The following KIAA0319L variants were observed in gnomAD, a reference collection of about 807,000 sequenced individuals.
KIAA0319L encodes KIAA0319 like, also known as dyslexia-associated protein KIAA0319-like protein.
Under a neutral mutation model 120.1 loss-of-function variants are expected in KIAA0319L, and 55 were observed. The observed-to-expected ratio is 0.46, with a 90% CI of 0.37 to 0.57. The LOEUF is 0.57. Ranked by LOEUF, KIAA0319L falls within the 20% of genes least tolerant of loss-of-function variation. The probability of loss-of-function intolerance (pLI) is 0.00; values close to 1 mark genes in which losing one functional copy is unlikely to be tolerated. For synonymous variants in KIAA0319L, 398 were observed against 471.9 expected (o/e 0.84, Z 2.03); for missense variants, 1,049 against 1,255.3 (o/e 0.84, Z 2.48).
intron 14 of KIAA0319L, 95 bp downstream of exon 14, chr1:35,450,263 G>T (rs1570639052): frequency 1.5e-6 from 2 of 1,321,162 alleles, no homozygotes; most frequent in Admixed American, 2.1e-5. Context: ...ATCTGGGTTT[G>T]ATATAAGGGA....
chr1:35,442,525 G>A (rs542579285), intron 18 of KIAA0319L, among the ~76,000 whole-genome samples, 189 bp from the exon 19 acceptor site: 2 of 152,286 alleles, frequency 1.3e-5, no homozygotes, highest in East Asian at 3.9e-4. Context: ...CTGCTTTCCA[G>A]TCCCTGCTCC....
rs745587966 is a variant in KIAA0319L at position 35,512,067 on chromosome 1, C to T, written c.143-4932G>A. Among the ~76,000 whole-genome samples, 15 of 152,022 alleles carry T rather than the reference C, an allele frequency of 9.9e-5. No individual in the cohort carries two copies. The East Asian group carries it at 2.1e-3, about 22-fold the overall frequency. The stretch of plus-strand genomic sequence containing the variant: ...GATGGATCACTTGAGGTCAGGAGTT[C>T]GAGACCAGCCTGGCCAACATGGCAA... On this transcript the variant is annotated intron_variant, in intron 2 of 20. Transcript: ENST00000325722.
chr1:35,462,653 A>T lies in KIAA0319L; in HGVS notation c.1262T>A (p.Leu421Ter). 6.2e-7 allele frequency: 1 copy of T among 1,614,130 alleles called. No individual in the cohort carries two copies. The highest frequency in any genetic ancestry group is 8.5e-7 in the Non-Finnish European group (1 of 1,179,950). The change falls in exon 8 of 21, where the codon TTG (leucine) becomes TAG (stop). Residue 421 changes from leucine to a stop codon, truncating the protein, a stop_gained. Transcript: ENST00000325722. LOFTEE classifies it high-confidence loss of function. ...IVSPQFQEIS[L>*]PTTSTVIDGS... ...ATCAATGACTGTAGAAGTGGTTGGC[A>T]AAGAGATCTCCTGGAACTGAGGTGA...
chr1:35,443,631 C>CCACTG (rs1291795353), intron 17 of KIAA0319L, among the ~76,000 whole-genome samples: 15 of 151,934 alleles, frequency 9.9e-5, no homozygotes, highest in Non-Finnish European at 2.1e-4. Context: ...TGAGATTACA[C>CCACTG]CACTGCACTG....
Position 35,454,445 on chromosome 1 carries a change from T to C in KIAA0319L, c.1697A>G (p.Glu566Gly). 6.2e-7 allele frequency: 1 copy of C among 1,614,086 alleles called. No individual in the cohort carries two copies. The highest frequency in any genetic ancestry group is 8.5e-7 in the Non-Finnish European group (1 of 1,179,944). ...TGTGAGCTGGTAAGTGTAGTCTCCT[T>C]CTTGCATCGCAGAGAGCTGTAAGGT... The part of the protein sequence containing the change: ...TPTLQLSAMQ[E>G]GDYTYQLTVT... The change falls in exon 11 of 21, where the codon GAA becomes GGA. Residue 566 changes from glutamate (E) to glycine (G), a missense_variant. Physicochemically the swap from Glu to Gly is moderately conservative, Grantham distance 98. Transcript: ENST00000325722.
chr1:35,460,240 A>G, intron 9 of KIAA0319L, 65 bp downstream of exon 9: 1 of 1,326,284 alleles, frequency 7.5e-7, no homozygotes, highest in South Asian at 1.3e-5. Context: ...CTCATATAAC[A>G]ATGTAAAACC....
At position 35,437,138 on chromosome 1, in the gene KIAA0319L, A is replaced by G. The variant is rs1278206367; in HGVS notation, c.2963-2057T>C. Among the ~76,000 whole-genome samples the G allele has an allele frequency of 6.6e-6, 1 of 152,004 alleles. No homozygotes were observed. Among genetic ancestry groups the G allele is most frequent in the African/African-American group, 2.4e-5 (1 of 41,370 alleles). ...TGGTCGCACGTTGTTGGTTTTGGTC[A>G]CCTAGATGCCACTGGAACACCCCAT... On this transcript the variant is annotated intron_variant, in intron 20 of 20. Coordinates refer to ENST00000325722, the MANE Select transcript of KIAA0319L (RefSeq NM_024874.5). The surrounding 1 kb of genome is among the most constrained non-coding windows in gnomAD (Gnocchi z 4.1).
At chr1:35,445,214 C>T (rs1292969344) in intron 16 of KIAA0319L, among the ~76,000 whole-genome samples, 1 of 152,156 alleles carries the variant, frequency 6.6e-6, no homozygotes, top group African/African-American at 2.4e-5. Context: ...ATTTTCCAGG[C>T]ATGCATGACA....
intron 10 of KIAA0319L, among the ~76,000 whole-genome samples, chr1:35,455,571 T>C (rs1174635046): frequency 7.6e-6 from 1 of 132,304 alleles, no homozygotes; most frequent in East Asian, 2.8e-4. Flanking sequence ...ACATTTAAGA[T>C]AATTTTTTTT....
intron 2 of KIAA0319L, among the ~76,000 whole-genome samples, chr1:35,519,342 A>C (rs924128462): frequency 1.3e-5 from 2 of 152,202 alleles, no homozygotes; most frequent in Non-Finnish European, 2.9e-5. Context: ...GATTCAGTAC[A>C]GTGAAATAAA....
At chr1:35,451,849 G>C (rs142763064) in intron 12 of KIAA0319L, 73 bp from the exon 13 acceptor site, 4 of 1,468,028 alleles carry the variant, frequency 2.7e-6, no homozygotes, top group African/African-American at 2.8e-5. Flanking sequence ...AGCAGGAGGA[G>C]ACAATGACTC....
At chr1:35,495,053 A>G (rs1026906247) in intron 3 of KIAA0319L, among the ~76,000 whole-genome samples, 2 of 152,186 alleles carry the variant, frequency 1.3e-5, no homozygotes, top group Admixed American at 1.3e-4. Flanking sequence ...AAATAACCCT[A>G]GACCTAAATG....
intron 2 of KIAA0319L, among the ~76,000 whole-genome samples, chr1:35,515,055 G>A (rs577510957): frequency 1.3e-5 from 2 of 152,290 alleles, no homozygotes; most frequent in South Asian, 4.1e-4. Context: ...GCTCACACCT[G>A]TAATCCCAAC....
chr1:35,484,806 A>ATATATTTT (rs1381080295), intron 3 of KIAA0319L, among the ~76,000 whole-genome samples: 6 of 86,240 alleles, frequency 7.0e-5, no homozygotes, highest in African/African-American at 2.4e-4. Context: ...ATATATATAT[A>ATATATTTT]TTTTTTTTTT....
chr1:35,553,710 TGAAA>T (rs35935761), intron 2 of KIAA0319L, among the ~76,000 whole-genome samples: 101,407 of 148,888 alleles, frequency 0.68, 36,318 homozygotes, highest in Non-Finnish European at 0.82. Context: ...CAAAAGAACT[TGAAA>T]GAAAGAAAGA....
At chr1:35,481,936 T>C (rs1644187891) in intron 3 of KIAA0319L, among the ~76,000 whole-genome samples, 1 of 147,898 alleles carries the variant, frequency 6.8e-6, no homozygotes, top group African/African-American at 2.5e-5. Flanking sequence ...GCCATTCTCC[T>C]GCCTCAGCCT....
intron 2 of KIAA0319L, among the ~76,000 whole-genome samples, chr1:35,533,818 C>G (rs60111128): frequency 0.15 from 23,567 of 152,094 alleles, 3,632 homozygotes; most frequent in East Asian, 0.52. Flanking sequence ...CAAAAACAAA[C>G]CTCCTCAGGG....
At chr1:35,557,644 C>G (rs914451516), upstream of KIAA0319L, 1 of 456,424 alleles carries the variant, frequency 2.2e-6, no homozygotes, top group African/African-American at 2.0e-5. Context: ...CCCCCAGACT[C>G]GGGCAATACC....
At chr1:35,497,986 T>C (rs1022681740) in intron 3 of KIAA0319L, among the ~76,000 whole-genome samples, 5 of 152,246 alleles carry the variant, frequency 3.3e-5, no homozygotes, top group Non-Finnish European at 7.3e-5. Context: ...TTATGTACTG[T>C]ATTTTTAAGG....
Sources: gnomAD v4.1 joint callset for allele counts (sites outside exome capture counted in the v4.1 genomes callset) on GRCh38, gnomAD v4.1.1 for gene constraint, Gnocchi (gnomAD v3.1) non-coding constraint, MANE v1.5 for transcripts, NCBI Gene and HGNC (gene_info 2026-07-23, HGNC 2026-07-21) for gene names.